The following ARID3B variants were observed in gnomAD, a reference collection of about 807,000 sequenced individuals.
ARID3B encodes the protein AT-rich interaction domain 3B, also known as AT-rich interactive domain-containing protein 3B.
Under a neutral mutation model 51.9 loss-of-function variants are expected in ARID3B, and 10 were observed. The observed-to-expected ratio is 0.19, with a 90% CI of 0.12 to 0.33. The LOEUF (loss-of-function observed/expected upper bound fraction) is 0.33, where lower values mean the gene tolerates loss of function less well. Ranked by LOEUF, ARID3B falls within the 10% of genes least tolerant of loss-of-function variation. ARID3B has a pLI of 1.00. For missense variants in ARID3B, 483 were observed against 716.3 expected, an observed-to-expected ratio of 0.67 and a Z score of 3.72; for synonymous variants, 205 against 279.5, an observed-to-expected ratio of 0.73 and a Z score of 2.66.
intron 4 of ARID3B, among the ~76,000 whole-genome samples, chr15:74,582,170 C>CT (rs747904327): frequency 0.028 from 4,032 of 143,914 alleles, 153 homozygotes; most frequent in African/African-American, 0.092. Context: ...TAGCCATAAT[C>CT]TTTTTTTTTT....
In ARID3B at chr15:74,591,874, C is replaced by G. The variant is rs1427905512; in HGVS notation, c.1420+60C>G. The G allele has an allele frequency of 2.3e-5, 37 of 1,576,256 alleles. No individual in the cohort carries two copies. Among genetic ancestry groups the G allele is most frequent in the Non-Finnish European group, 2.9e-5 (34 of 1,158,232 alleles). On this transcript the variant is annotated intron_variant, in intron 7 of 8. Transcript: ENST00000346246. The surrounding 1 kb of genome is among the most constrained non-coding windows in gnomAD (Gnocchi z 5.8). ...GGAAACCCCAAGCCCATTCACGCCT[C>G]CTGGGACTGGTGGGGCAGGGGTGGT...
In ARID3B at chr15:74,544,275, A is replaced by G. The variant is rs202030218; in HGVS notation, c.339A>G (p.Lys113=). Residue 113 remains lysine (K), a synonymous_variant, in exon 2 of 9, where the codon AAA becomes AAG. Transcript: ENST00000346246. ...ATGAAGTTGCAGAGGTGGCTGAGAA[A>G]GAAACCCAGGCTGCTTCAAAATATT... ...GDDEVAEVAE[K]ETQAASKYFH... is the part of the protein sequence containing the mutation. The G allele has an allele frequency of 9.1e-4, 1,469 of 1,614,174 alleles. 9 individuals are homozygous for G. In the Admixed American group the frequency reaches 0.021, roughly 24 times the overall value.
In ARID3B at chr15:74,597,524, C is replaced by CACACAT. The variant is rs2061832899; in HGVS notation, c.*1753_*1758dup. The CACACAT allele has an allele frequency of 1.9e-6, 1 of 535,946 alleles. No individual in the cohort carries two copies. Among genetic ancestry groups the CACACAT allele is most frequent in the South Asian group, 1.5e-5 (1 of 65,180 alleles). The allele number at this position is 535,946 out of a possible 1,614,324, so 33.2% of individuals were successfully genotyped here. On this transcript the variant is annotated 3_prime_UTR_variant, in exon 9 of 9. Transcript: ENST00000346246. ...ACTCCCACACACATACACACACACA[C>CACACAT]ACACATACCCCATCTCCCGAGGGCT...
chr15:74,543,575 G>A (rs2061601969), intron 1 of ARID3B, among the ~76,000 whole-genome samples: 1 of 152,090 alleles, frequency 6.6e-6, no homozygotes, highest in Non-Finnish European at 1.5e-5. Flanking sequence ...ATCAGAACAC[G>A]TTAGCAGACT....
At chr15:74,582,053 C>G (rs1024339112) in intron 4 of ARID3B, among the ~76,000 whole-genome samples, 1 of 152,212 alleles carries the variant, frequency 6.6e-6, no homozygotes, top group African/African-American at 2.4e-5. Flanking sequence ...TTCCACTCCT[C>G]TCCTGGAGAT....
At chr15:74,572,764 A>G (rs1302175996) in intron 2 of ARID3B, 98 bp from the exon 3 acceptor site, 1 of 1,158,662 alleles carries the variant, frequency 8.6e-7, no homozygotes, top group African/African-American at 1.5e-5. Flanking sequence ...CACAATTGCT[A>G]AGCATCTTCA....
chr15:74,583,159 C>G (rs905503273), intron 4 of ARID3B, among the ~76,000 whole-genome samples: 1 of 151,802 alleles, frequency 6.6e-6, no homozygotes, highest in African/African-American at 2.4e-5. Flanking sequence ...GAGATCATGT[C>G]ACTGCACTCT....
In ARID3B at chr15:74,578,649, A is replaced by G. The variant is rs369240179; in HGVS notation, c.697+5445A>G. 4.6e-4 allele frequency among the ~76,000 whole-genome samples: 70 copies of G among 152,310 alleles called. 1 individual carries two copies. Among genetic ancestry groups the G allele is most frequent in the African/African-American group, 1.6e-3 (67 of 41,570 alleles). On this transcript the variant is annotated intron_variant, in intron 4 of 8. Coordinates refer to ENST00000346246, the MANE Select transcript of ARID3B (RefSeq NM_006465.4). Reference sequence around the variant, plus strand: ...GGCCTCCATAGCTAATATGAAAGGTAAGCAGTAGATATCACAGGAGTCACT... The same window carrying G: ...GGCCTCCATAGCTAATATGAAAGGTGAGCAGTAGATATCACAGGAGTCACT...
At chr15:74,561,145 A>G (rs1312225954) in intron 2 of ARID3B, among the ~76,000 whole-genome samples, 1 of 152,176 alleles carries the variant, frequency 6.6e-6, no homozygotes, top group Non-Finnish European at 1.5e-5. Context: ...TAAAATTTTG[A>G]TATAGCTAAA....
At chr15:74,586,606 C>CG (rs2061782544) in intron 4 of ARID3B, among the ~76,000 whole-genome samples, 1 of 152,338 alleles carries the variant, frequency 6.6e-6, no homozygotes, top group Admixed American at 6.5e-5. Context: ...GCGTGGCTCA[C>CG]GCCTGTCATC....
chr15:74,571,136 A>G (rs1463876464), intron 2 of ARID3B, among the ~76,000 whole-genome samples: 2 of 152,172 alleles, frequency 1.3e-5, no homozygotes, highest in Admixed American at 1.3e-4. Context: ...GATTGCTGCT[A>G]TCGGAAAGTG....
intron 8 of ARID3B, among the ~76,000 whole-genome samples, chr15:74,594,441 C>CCGG (rs1289885671): frequency 6.6e-6 from 1 of 152,068 alleles, no homozygotes; most frequent in Non-Finnish European, 1.5e-5. Context: ...GAGTGAGACT[C>CCGG]CGTCTCAAAA....
chr15:74,589,887 G>C lies in ARID3B; in HGVS notation c.765G>C (p.Leu255=). 6.2e-7 allele frequency: 1 copy of C among 1,614,138 alleles called. No individual in the cohort carries two copies. Among genetic ancestry groups the C allele is most frequent in the Non-Finnish European group, 8.5e-7 (1 of 1,180,028 alleles). The stretch of plus-strand genomic sequence containing the variant: ...TGGACCTGTACATGCTGTATAAGCT[G>C]GTGACCGAGAAGGGAGGCCTGGTGG... The part of the protein sequence containing the change: ...QILDLYMLYK[L]VTEKGGLVEI... Residue 255 remains leucine, a synonymous_variant, in exon 5 of 9, where the codon CTG becomes CTC. Coordinates refer to ENST00000346246, the MANE Select transcript of ARID3B (RefSeq NM_006465.4).
intron 4 of ARID3B, among the ~76,000 whole-genome samples, chr15:74,585,851 A>G (rs1025346443): frequency 6.6e-6 from 1 of 152,220 alleles, no homozygotes; most frequent in Non-Finnish European, 1.5e-5. Flanking sequence ...TGCTTCTCTC[A>G]GTTGTTAGAA....
chr15:74,573,420 C>G (rs1026391111), intron 4 of ARID3B: 2 of 577,186 alleles, frequency 3.5e-6, no homozygotes, highest in African/African-American at 3.7e-5. Context: ...TGATCGTCCA[C>G]TTTTGGCCCT....
chr15:74,557,721 T>G (rs1596253431), intron 2 of ARID3B, among the ~76,000 whole-genome samples: 1 of 151,936 alleles, frequency 6.6e-6, no homozygotes, highest in African/African-American at 2.4e-5. Flanking sequence ...TCCAAGGGAG[T>G]AGGGAGGATC....
At chr15:74,589,065 TCGC>T (rs2061793528) in intron 4 of ARID3B, among the ~76,000 whole-genome samples, 1 of 120,900 alleles carries the variant, frequency 8.3e-6, no homozygotes, top group African/African-American at 3.3e-5. Flanking sequence ...AGTCTCACTG[TCGC>T]CCAGGCTGGA....
At position 74,544,169 on chromosome 15, in the gene ARID3B, T is replaced by C. The variant is rs1164285483; in HGVS notation, c.233T>C (p.Val78Ala). The change falls in exon 2 of 9, where the codon GTG becomes GCG. Residue 78 changes from valine to alanine, a missense_variant. Val to Ala is a moderately conservative substitution (Grantham distance 64, BLOSUM62 0). Transcript: ENST00000346246. ...GCCAGAGTTCCACCCACCGCAGCAGTGGCCCAAGTGTTTGAACGGGGCAAC... is the reference window on the plus strand; with the variant it reads ...GCCAGAGTTCCACCCACCGCAGCAGCGGCCCAAGTGTTTGAACGGGGCAAC... ...PLARVPPTAAVAQVFERGNMN... is the reference protein window; with the variant it reads ...PLARVPPTAAAAQVFERGNMN... 6.2e-7 allele frequency: 1 copy of C among 1,613,708 alleles called. No homozygotes were observed. The highest frequency in any genetic ancestry group is 1.3e-5 in the African/African-American group (1 of 74,934).
intron 2 of ARID3B, 118 bp from the exon 3 acceptor site, chr15:74,572,744 G>C (rs1316771132): frequency 4.2e-6 from 4 of 946,590 alleles, no homozygotes; most frequent in Non-Finnish European, 6.8e-6. Context: ...TATAGTATGA[G>C]TGAGGATAGC....
Sources: gnomAD v4.1 joint callset for allele counts (sites outside exome capture counted in the v4.1 genomes callset) on GRCh38, gnomAD v4.1.1 for gene constraint, Gnocchi (gnomAD v3.1) non-coding constraint, MANE v1.5 for transcripts, NCBI Gene and HGNC (gene_info 2026-07-23, HGNC 2026-07-21) for gene names.